RPS6KL1: variants seen among roughly 807,000 people sequenced by gnomAD.
RPS6KL1 encodes ribosomal protein S6 kinase-like 1.
Under a neutral mutation model 57.0 loss-of-function variants are expected in RPS6KL1, and 41 were observed. That is an observed-to-expected ratio of 0.72 (90% CI 0.56 to 0.93). The LOEUF (loss-of-function observed/expected upper bound fraction) is 0.93, where lower values mean the gene tolerates loss of function less well. RPS6KL1 is among the 40% of genes least tolerant of loss of function. The pLI, the probability that RPS6KL1 is intolerant of heterozygous loss-of-function variation, is 0.00. For missense variants in RPS6KL1, 697 were observed against 727.7 expected (o/e 0.96, Z 0.49); for synonymous variants, 287 against 309.7 (o/e 0.93, Z 0.77).
intron 6 of RPS6KL1, 38 bp from the exon 7 acceptor site, chr14:74,911,418 G>A (rs1212714033): frequency 6.3e-7 from 1 of 1,584,960 alleles, no homozygotes; most frequent in Non-Finnish European, 8.6e-7. Flanking sequence ...CCGGGGACAG[G>A]CCAGAGACTG....
chr14:74,911,439 G>T, intron 6 of RPS6KL1, 59 bp from the exon 7 acceptor site: 2 of 1,572,866 alleles, frequency 1.3e-6, no homozygotes, highest in Non-Finnish European at 1.7e-6. Flanking sequence ...CTGCTGTTAG[G>T]GGACCTCCTA....
chr14:74,913,130 C>T lies in RPS6KL1; in HGVS notation c.484-1289G>A, dbSNP rs139453512. 1.6e-4 allele frequency among the ~76,000 whole-genome samples: 24 copies of T among 152,324 alleles called. 1 individual carries two copies. The highest frequency in any genetic ancestry group is 5.5e-4 in the African/African-American group (23 of 41,584). ...TGCTGGGCAGTGAGGAAGGCCACAGCTTGGGATCAGGGTAGGGGAAGGGGC... is the reference window on the plus strand; with the variant it reads ...TGCTGGGCAGTGAGGAAGGCCACAGTTTGGGATCAGGGTAGGGGAAGGGGC... On this transcript the variant is annotated intron_variant, in intron 5 of 11. Transcript: ENST00000557413.
At chr14:74,910,888 TTG>T in intron 7 of RPS6KL1, 19 of 175,366 alleles carry the variant, frequency 1.1e-4, no homozygotes, top group South Asian at 4.0e-4. Context: ...TTTTTTTTTT[TTG>T]AGGCGGAGTC....
Position 74,922,246 on chromosome 14 carries a change from GC to G in RPS6KL1, c.-290del. ...TCCAGTACGCATTCAGCACATGGAGGCCACACACGCTGGGCTCAAATGCTGT... is the reference window on the plus strand; with the variant it reads ...TCCAGTACGCATTCAGCACATGGAGGCACACACGCTGGGCTCAAATGCTGT... On this transcript the variant is annotated 5_prime_UTR_variant, in exon 2 of 12. Coordinates refer to ENST00000557413, the MANE Select transcript of RPS6KL1 (RefSeq NM_031464.5). 1.0e-6 allele frequency: 1 copy of G among 985,924 alleles called. No homozygotes were observed. The highest frequency in any genetic ancestry group is 1.2e-6 in the Non-Finnish European group (1 of 830,274). The allele number at this position is 985,924 out of a possible 1,614,324, so 61.1% of individuals were successfully genotyped here.
chr14:74,905,614 G>C lies in RPS6KL1; in HGVS notation c.*1400C>G, dbSNP rs915524770. ...TTCCAACCTGCCCCAATGAGCCGTG[G>C]TCATTGCATGGAAGAAGCGAGAACA... On this transcript the variant is annotated 3_prime_UTR_variant, in exon 12 of 12. Coordinates refer to ENST00000557413, the MANE Select transcript of RPS6KL1 (RefSeq NM_031464.5). The C allele has an allele frequency of 6.6e-6, 1 of 152,246 alleles. No homozygotes were observed. Among genetic ancestry groups the C allele is most frequent in the Admixed American group, 6.5e-5 (1 of 15,274 alleles). The allele number at this position is 152,246 out of a possible 1,614,324, so 9.4% of individuals were successfully genotyped here.
rs757758003 is a variant in RPS6KL1 at position 74,909,945 on chromosome 14, C to G, written c.868G>C (p.Ala290Pro). Reference protein sequence around the residue: ...PPRTSPNLLLAGEAPSTRPQR... With the variant: ...PPRTSPNLLLPGEAPSTRPQR... ...GGTCTGGTGGATGGGGCCTCCCCAGCTAGGAGAAGGTTCGGAGAAGTCCTA... is the reference window on the plus strand; with the variant it reads ...GGTCTGGTGGATGGGGCCTCCCCAGGTAGGAGAAGGTTCGGAGAAGTCCTA... The change falls in exon 8 of 12, where the codon GCT becomes CCT. Residue 290 changes from alanine to proline, a missense_variant. Coordinates refer to ENST00000557413, the MANE Select transcript of RPS6KL1 (RefSeq NM_031464.5). 1.2e-6 allele frequency: 2 copies of G among 1,614,110 alleles called. No homozygotes were observed. The highest frequency in any genetic ancestry group is 1.7e-6 in the Non-Finnish European group (2 of 1,179,998).
At position 74,908,977 on chromosome 14, in the gene RPS6KL1, C is replaced by T. The variant is rs370402590; in HGVS notation, c.1361-45G>A. On this transcript the variant is annotated intron_variant, in intron 9 of 11. Transcript: ENST00000557413. ...GGTGTCCCAGCCTCACCTAAGAGGG[C>T]CTCTTCCATTCTCCTCAGCCTACCC... is the stretch of plus-strand genomic sequence containing the variant. 2.0e-5 allele frequency: 32 copies of T among 1,581,204 alleles called. No homozygotes were observed. In the African/African-American group the frequency reaches 4.0e-4, roughly 20 times the overall value.
At chr14:74,921,255 C>T in intron 3 of RPS6KL1, 22 bp downstream of exon 3, 1 of 1,484,452 alleles carries the variant, frequency 6.7e-7, no homozygotes, top group Non-Finnish European at 9.4e-7. Context: ...CCACCCCAGC[C>T]CTGCCCAGCC....
chr14:74,911,518 C>T, intron 6 of RPS6KL1, 138 bp from the exon 7 acceptor site: 1 of 941,774 alleles, frequency 1.1e-6, no homozygotes, highest in East Asian at 2.6e-5. Context: ...CCTGTCCTTA[C>T]CCCCACTGCC....
rs780937211 is a variant in RPS6KL1 at position 74,907,128 on chromosome 14, CAG to C, written c.1540-6_1540-5del. ...GGGTAGGCTCGAACTGCAGCAGCTG[CAG>C]AGAGAGGCCCAGTCAGCTGGGCCAC... On this transcript the variant is annotated splice_polypyrimidine_tract_variant and splice_region_variant and intron_variant, in intron 11 of 11. Transcript: ENST00000557413. 6.9e-6 allele frequency: 11 copies of C among 1,605,068 alleles called. No individual in the cohort carries two copies. The highest frequency in any genetic ancestry group is 1.3e-5 in the African/African-American group (1 of 74,682).
Position 74,921,506 on chromosome 14 carries a change from G to A in RPS6KL1, c.36C>T (p.Pro12=), listed in dbSNP as rs754869702. 24 of 1,613,914 alleles carry A rather than the reference G, an allele frequency of 1.5e-5. No homozygotes were observed. The highest frequency in any genetic ancestry group is 1.1e-4 in the East Asian group (5 of 44,860). ...GTGAGCAAGGCTCAGGCTCCAGGCC[G>A]GGGCTGGGCAGGCACTCACAGGCCA... is the stretch of plus-strand genomic sequence containing the variant. ...SLVACECLPS[P]GLEPEPCSRA... is the part of the protein sequence containing the mutation. Residue 12 remains proline, a synonymous_variant, in exon 3 of 12, where the codon CCC becomes CCT. Coordinates refer to ENST00000557413, the MANE Select transcript of RPS6KL1 (RefSeq NM_031464.5).
At chr14:74,921,780 T>TTC (rs1555379887) in intron 2 of RPS6KL1, 198 bp downstream of exon 2, 202 of 1,129,008 alleles carry the variant, frequency 1.8e-4, no homozygotes, top group East Asian at 6.7e-4. Flanking sequence ...TTCTTTTCTT[T>TTC]TTTTTTTTTT....
Position 74,911,817 on chromosome 14 carries a change from T to C in RPS6KL1, c.508A>G (p.Thr170Ala), listed in dbSNP as rs764092799. ...EKVQLVQDPA[T>A]GGTFVVKSLP... ...GCCTTCACCACAAAGGTCCCTCCGG[T>C]TGCCGGGTCCTGGACCAGCTGCACC... is the stretch of plus-strand genomic sequence containing the variant. Residue 170 changes from threonine to alanine, a missense_variant, in exon 6 of 12, where the codon ACC (threonine) becomes GCC (alanine). Thr to Ala is a moderately conservative substitution (Grantham distance 58, BLOSUM62 0). Coordinates refer to ENST00000557413, the MANE Select transcript of RPS6KL1 (RefSeq NM_031464.5). The C allele has an allele frequency of 6.4e-7, 1 of 1,553,698 alleles. No homozygotes were observed. The highest frequency in any genetic ancestry group is 1.2e-5 in the South Asian group (1 of 84,132).
intron 5 of RPS6KL1, among the ~76,000 whole-genome samples, chr14:74,916,936 A>G (rs1237478167): frequency 6.6e-6 from 1 of 152,190 alleles, no homozygotes; most frequent in Non-Finnish European, 1.5e-5. Context: ...GTTCAGCGGG[A>G]TCGTACCGGG....
chr14:74,917,881 G>C (rs1200437431), intron 5 of RPS6KL1, among the ~76,000 whole-genome samples: 1 of 152,152 alleles, frequency 6.6e-6, no homozygotes, highest in East Asian at 1.9e-4. Flanking sequence ...TCGGTAGAGC[G>C]TCTTGGCTGC....
chr14:74,906,804 C>T lies in RPS6KL1; in HGVS notation c.*210G>A, dbSNP rs779061996. The T allele has an allele frequency of 8.5e-6, 6 of 705,756 alleles. No individual in the cohort carries two copies. The highest frequency in any genetic ancestry group is 5.8e-5 in the South Asian group (4 of 68,980). The allele number at this position is 705,756 out of a possible 1,614,324, so 43.7% of individuals were successfully genotyped here. A position where few individuals can be genotyped will look rare whatever the true frequency, so the allele number is the denominator to read the frequency against. ...AGCTGCTTAGCAGGGCAAGCCTTGA[C>T]TGCCCCCACCTCCAGCTTTTCCAGG... On this transcript the variant is annotated 3_prime_UTR_variant, in exon 12 of 12. Coordinates refer to ENST00000557413, the MANE Select transcript of RPS6KL1 (RefSeq NM_031464.5).
intron 2 of RPS6KL1, 163 bp downstream of exon 2, chr14:74,921,815 T>C: frequency 9.1e-7 from 1 of 1,093,686 alleles, no homozygotes; most frequent in African/African-American, 1.6e-5. Flanking sequence ...TCTCGCTATG[T>C]CACCCAGGCT....
At chr14:74,916,405 G>C (rs536093485) in intron 5 of RPS6KL1, among the ~76,000 whole-genome samples, 1 of 152,210 alleles carries the variant, frequency 6.6e-6, no homozygotes, top group Non-Finnish European at 1.5e-5. Flanking sequence ...AATAGAATGC[G>C]GCGGGCCACT....
chr14:74,920,086 T>C, intron 3 of RPS6KL1, 117 bp from the exon 4 acceptor site: 1 of 1,328,162 alleles, frequency 7.5e-7, no homozygotes, highest in Non-Finnish European at 1.1e-6. Flanking sequence ...CTAAGGCTGG[T>C]TCGGCAGATT....
Sources: gnomAD v4.1 joint callset for allele counts (sites outside exome capture counted in the v4.1 genomes callset) on GRCh38, gnomAD v4.1.1 for gene constraint, MANE v1.5 for transcripts, NCBI Gene and HGNC (gene_info 2026-07-23, HGNC 2026-07-21) for gene names.